Variants in SKAP1 observed in about 807,000 individuals in gnomAD.
SKAP1 encodes src kinase-associated phosphoprotein 1.
SKAP1 carries 44 observed loss-of-function variants against 58.5 expected under a neutral mutation model. The ratio of observed to expected loss-of-function variants is 0.75; its 90% CI spans 0.59 to 0.97. The LOEUF is 0.97. SKAP1 is among the 50% of genes least tolerant of loss of function. The pLI is 0.00. For synonymous variants in SKAP1, 127 were observed against 149.7 expected (o/e 0.85, Z 1.11); for missense variants, 390 against 435.2 (o/e 0.90, Z 0.92).
intron 4 of SKAP1, among the ~76,000 whole-genome samples, chr17:48,321,396 A>ATT (rs2066363331): frequency 2.2e-5 from 3 of 139,176 alleles, no homozygotes; most frequent in African/African-American, 2.6e-5. Flanking sequence ...TATTATTATT[A>ATT]AGATAGAGTC....
chr17:48,332,265 A>G (rs2066516694), intron 4 of SKAP1, among the ~76,000 whole-genome samples: 1 of 152,126 alleles, frequency 6.6e-6, no homozygotes, highest in South Asian at 2.1e-4. Flanking sequence ...GATTTAAAAT[A>G]TAAAATTTTA....
intron 11 of SKAP1, among the ~76,000 whole-genome samples, chr17:48,158,909 C>G (rs373099207): frequency 8.6e-5 from 13 of 151,496 alleles, no homozygotes; most frequent in East Asian, 7.7e-4. Context: ...TGCAGTGAGC[C>G]GAGATCGCGC....
chr17:48,291,985 T>C (rs935210608), intron 4 of SKAP1, among the ~76,000 whole-genome samples: 7 of 152,170 alleles, frequency 4.6e-5, no homozygotes, highest in Non-Finnish European at 7.4e-5. Context: ...CCACTTCATA[T>C]AGCAATAGGG....
chr17:48,262,799 C>T (rs2065498783), intron 4 of SKAP1, among the ~76,000 whole-genome samples: 1 of 152,142 alleles, frequency 6.6e-6, no homozygotes, highest in Admixed American at 6.6e-5. Context: ...TTTCCTGTCC[C>T]TCCTCCTTGG....
At chr17:48,396,864 A>G (rs2067425587) in intron 1 of SKAP1, 79 bp from the exon 2 acceptor site, 1 of 988,090 alleles carries the variant, frequency 1.0e-6, no homozygotes, top group Non-Finnish European at 1.6e-6. Flanking sequence ...AAGAAATGGC[A>G]CATGTATACA....
At chr17:48,335,606 A>G (rs914555752) in intron 4 of SKAP1, among the ~76,000 whole-genome samples, 2 of 152,114 alleles carry the variant, frequency 1.3e-5, no homozygotes, top group African/African-American at 4.8e-5. Flanking sequence ...AATAAGTTGT[A>G]AAATAATTGT....
chr17:48,228,631 A>G (rs1242890453), intron 4 of SKAP1, among the ~76,000 whole-genome samples: 2 of 152,234 alleles, frequency 1.3e-5, no homozygotes, highest in Non-Finnish European at 2.9e-5. Flanking sequence ...AGTGCTTTAC[A>G]TGTATCAACT....
chr17:48,244,461 C>T (rs2065274225), intron 4 of SKAP1, among the ~76,000 whole-genome samples: 2 of 152,156 alleles, frequency 1.3e-5, no homozygotes, highest in Admixed American at 1.3e-4. Flanking sequence ...TTCCTTCTCC[C>T]CTTGCTAACA....
the SKAP1 span, among the ~76,000 whole-genome samples, chr17:48,439,987 T>A: frequency 1.2e-4 from 18 of 152,214 alleles, no homozygotes; most frequent in African/African-American, 4.3e-4. Flanking sequence ...GCCCTTTTCT[T>A]CATCTCTTCC....
chr17:48,300,427 T>C (rs1341658408), intron 4 of SKAP1, among the ~76,000 whole-genome samples: 2 of 152,180 alleles, frequency 1.3e-5, no homozygotes, highest in African/African-American at 4.8e-5. Flanking sequence ...CAGGTATTTT[T>C]GAGGACAGAA....
At chr17:48,189,806 C>T (rs943769488) in intron 4 of SKAP1, among the ~76,000 whole-genome samples, 2 of 151,432 alleles carry the variant, frequency 1.3e-5, no homozygotes, top group African/African-American at 4.9e-5. Flanking sequence ...TCCCAGGTAG[C>T]TGAGACTACA....
At chr17:48,290,368 T>G (rs1381743960) in intron 4 of SKAP1, among the ~76,000 whole-genome samples, 1 of 152,238 alleles carries the variant, frequency 6.6e-6, no homozygotes, top group Non-Finnish European at 1.5e-5. Flanking sequence ...AAGCTTACAC[T>G]GAACACTCAT....
intron 4 of SKAP1, among the ~76,000 whole-genome samples, chr17:48,213,199 G>A (rs1044926365): frequency 4.6e-5 from 7 of 151,928 alleles, no homozygotes; most frequent in African/African-American, 7.3e-5. Flanking sequence ...AAAATTAGCC[G>A]GGTGTGGTGG....
At chr17:48,381,867 A>G (rs2067218022) in intron 2 of SKAP1, among the ~76,000 whole-genome samples, 2 of 152,254 alleles carry the variant, frequency 1.3e-5, no homozygotes, top group Admixed American at 1.3e-4. Flanking sequence ...TGCACATAGT[A>G]TATGTTCAAT....
rs376278484 is a variant in SKAP1 at position 48,405,392 on chromosome 17, C to CCTTTCTTTCTTTCTTT, written c.47-8623_47-8608dup. Among the ~76,000 whole-genome samples the CCTTTCTTTCTTTCTTT allele has an allele frequency of 1.6e-4, 17 of 107,368 alleles. 2 individuals carry two copies. The highest frequency in any genetic ancestry group is 4.8e-4 in the East Asian group (2 of 4,152). 70.4% of individuals were successfully genotyped at this position (107,368 alleles called of 152,430 possible). ...GGGTGCATTTTCTTTTTTTCTCTTT[C>CCTTTCTTTCTTTCTTT]CTTTCTTTCTTTCTTTCTTTCTTTC... On this transcript the variant is annotated intron_variant, in intron 1 of 12. Transcript: ENST00000336915.
intron 4 of SKAP1, among the ~76,000 whole-genome samples, chr17:48,273,709 G>A (rs1286334967): frequency 3.9e-5 from 6 of 152,014 alleles, no homozygotes; most frequent in African/African-American, 1.4e-4. Context: ...CTAAGCCACC[G>A]TGCCCGGCTC....
rs572377092 is a variant in SKAP1, at chr17:48,141,814, G to C, written c.979-4477C>G. 4.9e-4 allele frequency among the ~76,000 whole-genome samples: 75 copies of C among 152,300 alleles called. 1 individual carries two copies. Among genetic ancestry groups the C allele is most frequent in the Admixed American group, 1.3e-3 (20 of 15,308 alleles). On this transcript the variant is annotated intron_variant, in intron 11 of 12. Transcript: ENST00000336915. The stretch of plus-strand genomic sequence containing the variant: ...GTCTCAGCTGCTCCCATGGGCCACA[G>C]GCTCCCTCACCTTGGAACCTTTCCT...
At chr17:48,199,666 T>C (rs1438806129) in intron 4 of SKAP1, among the ~76,000 whole-genome samples, 1 of 152,166 alleles carries the variant, frequency 6.6e-6, no homozygotes, top group Non-Finnish European at 1.5e-5. Context: ...CTTGCCACTT[T>C]GCTTGGGTTT....
chr17:48,135,785 C>G (rs2144559910), intron 12 of SKAP1, among the ~76,000 whole-genome samples: 1 of 152,182 alleles, frequency 6.6e-6, no homozygotes, highest in South Asian at 2.1e-4. Context: ...AAACCATATT[C>G]TCTATTACTT....
Sources: allele counts gnomAD v4.1 joint callset (sites outside exome capture counted in the v4.1 genomes callset), GRCh38; gene constraint gnomAD v4.1.1; transcripts MANE v1.5; gene names NCBI Gene and HGNC (gene_info 2026-07-23, HGNC 2026-07-21).